Variants in TET1 observed in about 807,000 individuals in gnomAD.
TET1 encodes the protein tet methylcytosine dioxygenase 1.
A neutral mutation model predicts 148.7 loss-of-function variants in TET1; 13 were observed. The ratio of observed to expected loss-of-function variants is 0.09; its 90% confidence interval spans 0.06 to 0.14. TET1 has a LOEUF of 0.14. TET1 is among the 10% of genes least tolerant of loss of function. The pLI is 1.00. For synonymous variants in TET1, 907 were observed against 937.2 expected, an observed-to-expected ratio of 0.97 and a Z score of 0.59; for missense variants, 2,182 against 2,553.8, an observed-to-expected ratio of 0.85 and a Z score of 3.14.
intron 2 of TET1, among the ~76,000 whole-genome samples, chr10:68,578,629 C>G (rs1415801799): frequency 6.6e-6 from 1 of 151,986 alleles, no homozygotes; most frequent in Non-Finnish European, 1.5e-5. Flanking sequence ...TTAACGAGTC[C>G]TGATAAGAAT....
At chr10:68,614,590 C>G (rs2054262237) in intron 3 of TET1, among the ~76,000 whole-genome samples, 2 of 152,152 alleles carry the variant, frequency 1.3e-5, no homozygotes, top group African/African-American at 4.8e-5. Context: ...CAGCTCACTG[C>G]AACCTAACCT....
intron 2 of TET1, among the ~76,000 whole-genome samples, chr10:68,581,940 T>G (rs1008239945): frequency 1.3e-5 from 2 of 152,198 alleles, no homozygotes. Flanking sequence ...ATCATGCATT[T>G]AATTAACTTT....
chr10:68,624,618 TTC>T (rs1211125486), intron 3 of TET1, among the ~76,000 whole-genome samples: 3 of 31,030 alleles, frequency 9.7e-5, no homozygotes, highest in Non-Finnish European at 1.7e-4. Flanking sequence ...CTTTCTTTCT[TTC>T]TTTCTTTCTT....
chr10:68,682,776 A>C (rs1410222879), intron 9 of TET1, 60 bp from the exon 10 acceptor site: 1 of 1,538,392 alleles, frequency 6.5e-7, no homozygotes, highest in Middle Eastern at 1.9e-4. Flanking sequence ...TTTACTCTTT[A>C]CTGAAGGTAG....
intron 3 of TET1, among the ~76,000 whole-genome samples, chr10:68,642,366 C>T (rs917299980): frequency 9.2e-5 from 14 of 151,756 alleles, no homozygotes; most frequent in South Asian, 2.1e-4. Context: ...CCTGGGAGTT[C>T]GAGGCTACAG....
At chr10:68,580,365 G>C (rs1443821928) in intron 2 of TET1, among the ~76,000 whole-genome samples, 1 of 118,022 alleles carries the variant, frequency 8.5e-6, no homozygotes, top group Non-Finnish European at 1.6e-5. Context: ...CTGTCACCCA[G>C]GTTGGAGTGA....
intron 3 of TET1, among the ~76,000 whole-genome samples, chr10:68,643,172 G>A (rs1025936927): frequency 2.7e-5 from 4 of 146,996 alleles, no homozygotes; most frequent in African/African-American, 1.0e-4. Context: ...GAGCTTGGGA[G>A]GATCATCTAA....
chr10:68,637,230 C>A (rs1372858620), intron 3 of TET1, among the ~76,000 whole-genome samples: 1 of 152,026 alleles, frequency 6.6e-6, no homozygotes, highest in Non-Finnish European at 1.5e-5. Flanking sequence ...AACTCCTGAC[C>A]TCTGGTGATT....
Position 68,572,354 on chromosome 10 carries a change from C to T in TET1, c.16C>T (p.His6Tyr), listed in dbSNP as rs753709385. The T allele has an allele frequency of 4.4e-6, 7 of 1,600,506 alleles. No homozygotes were observed. The highest frequency in any genetic ancestry group is 5.9e-6 in the Non-Finnish European group (7 of 1,176,662). ...CTCTGTAGCTATGTCTCGATCCCGC[C>T]ATGCAAGGCCTTCCAGATTAGTCAG... MSRSR[H>Y]ARPSRLVRKE... is the part of the protein sequence containing the mutation. The change falls in exon 2 of 12, where the codon CAT becomes TAT. Residue 6 changes from histidine (H) to tyrosine (Y), a missense_variant. His to Tyr is a moderately conservative substitution (Grantham distance 83, BLOSUM62 2). Coordinates refer to ENST00000373644, the MANE Select transcript of TET1 (RefSeq NM_030625.3).
At chr10:68,676,254 ATATATATATATATATTTTTT>A (rs1293476128) in intron 8 of TET1, among the ~76,000 whole-genome samples, 86 of 36,706 alleles carry the variant, frequency 2.3e-3, no homozygotes, top group Admixed American at 8.4e-3. Flanking sequence ...ATATATATAT[ATATATATATATATATTTTTT>A]TTTTTTTTTT....
At chr10:68,570,934 A>G (rs2133680671) in intron 1 of TET1, among the ~76,000 whole-genome samples, 1 of 150,622 alleles carries the variant, frequency 6.6e-6, no homozygotes, top group South Asian at 2.1e-4. Context: ...CGCCTGGCCT[A>G]ATTATTTTTA....
intron 11 of TET1, among the ~76,000 whole-genome samples, chr10:68,688,632 G>T (rs1357552728): frequency 1.3e-5 from 2 of 151,750 alleles, no homozygotes; most frequent in Non-Finnish European, 2.9e-5. Flanking sequence ...TAGAGATGGG[G>T]TTTCACCGTG....
intron 3 of TET1, among the ~76,000 whole-genome samples, chr10:68,621,942 T>C (rs2054377348): frequency 6.6e-6 from 1 of 152,158 alleles, no homozygotes; most frequent in Non-Finnish European, 1.5e-5. Flanking sequence ...TTGGATATCA[T>C]TTGATATTTA....
chr10:68,668,575 T>G (rs2055225678), intron 7 of TET1, among the ~76,000 whole-genome samples: 1 of 152,222 alleles, frequency 6.6e-6, no homozygotes, highest in Non-Finnish European at 1.5e-5. Flanking sequence ...AGTTTTGTTG[T>G]TGTTCTTGTT....
chr10:68,574,109 T>C lies in TET1; in HGVS notation c.1771T>C (p.Cys591Arg). ...TTTGGAAAAGAAGAAAAGAAAGCGA[T>C]GTGGGGTCTGTGAACCCTGCCAGCA... The part of the protein sequence containing the change: ...PTLEKKKRKR[C>R]GVCEPCQQKT... The change falls in exon 2 of 12, where the codon TGT becomes CGT. Residue 591 changes from cysteine (C) to arginine (R), a missense_variant. By Grantham distance (180) the Cys-to-Arg change is radical (BLOSUM62 -3). Around this residue, in one of 11 missense-constraint regions of TET1, gnomAD observed 226 missense variants for 307.4 expected, o/e 0.74. Transcript: ENST00000373644. 1 of 1,614,106 alleles carries C rather than the reference T, an allele frequency of 6.2e-7. No homozygotes were observed. Among genetic ancestry groups the C allele is most frequent in the Non-Finnish European group, 8.5e-7 (1 of 1,180,026 alleles).
In TET1 at chr10:68,647,097, T is replaced by C. The variant is rs144287764; in HGVS notation, c.4276+92T>C. On this transcript the variant is annotated intron_variant, in intron 4 of 11. Coordinates refer to ENST00000373644, the MANE Select transcript of TET1 (RefSeq NM_030625.3). Reference sequence around the variant, plus strand: ...ATTCTGATTCATCTTTTTTGTGTGATATTTTTTCCCCATTCTTATTCTAAC... The same window carrying C: ...ATTCTGATTCATCTTTTTTGTGTGACATTTTTTCCCCATTCTTATTCTAAC... 3.6e-6 allele frequency: 5 copies of C among 1,382,822 alleles called. No homozygotes were observed. The African/African-American group carries it at 5.8e-5, about 16-fold the overall frequency. 85.7% of individuals were successfully genotyped at this position (1,382,822 alleles called of 1,614,324 possible).
intron 3 of TET1, among the ~76,000 whole-genome samples, chr10:68,623,012 T>C (rs548039241): frequency 1.3e-5 from 2 of 152,284 alleles, no homozygotes; most frequent in African/African-American, 4.8e-5. Flanking sequence ...AACTTTGATC[T>C]CTTGGCTTAA....
intron 4 of TET1, 120 bp from the exon 5 acceptor site, chr10:68,651,726 A>C: frequency 1.6e-6 from 1 of 623,142 alleles, no homozygotes; most frequent in East Asian, 2.9e-5. Context: ...AATCTTACCA[A>C]AACCTTGTCA....
rs756355752 is a variant in TET1, at chr10:68,667,161, T to G, written c.4578T>G (p.Pro1526=). 1.9e-6 allele frequency: 3 copies of G among 1,614,042 alleles called. No homozygotes were observed. Among genetic ancestry groups the G allele is most frequent in the African/African-American group, 2.7e-5 (2 of 74,922 alleles). ...VVLIMVWDGI[P]LPMADRLYTE... ...TCATCATGGTGTGGGATGGCATCCC[T>G]CTTCCAATGGCCGACCGGCTATACA... The change falls in exon 7 of 12, where the codon CCT becomes CCG. Residue 1526 remains proline, a synonymous_variant. Coordinates refer to ENST00000373644, the MANE Select transcript of TET1 (RefSeq NM_030625.3).
Sources: allele counts gnomAD v4.1 joint callset (sites outside exome capture counted in the v4.1 genomes callset), GRCh38; gene constraint gnomAD v4.1.1; regional missense constraint gnomAD v4.1.1; transcripts MANE v1.5; gene names NCBI Gene and HGNC (gene_info 2026-07-23, HGNC 2026-07-21).